NRG4: variants seen among roughly 807,000 people sequenced by gnomAD.
NRG4 encodes neuregulin 4.
In NRG4, 10 loss-of-function variants were observed where a neutral mutation model predicts 15.0. That is an observed-to-expected ratio of 0.67 (90% CI 0.41 to 1.13). NRG4 has a LOEUF of 1.13. NRG4 is among the 50% of genes most tolerant of loss of function. NRG4 has a pLI of 0.00. For missense variants in NRG4, 139 were observed against 140.2 expected (o/e 0.99, Z 0.04); for synonymous variants, 41 against 50.1 (o/e 0.82, Z 0.77).
At chr15:75,938,112 CAAAGCTGATTTGT>C (rs1211186156), downstream of NRG4, 4 of 152,116 alleles carry the variant, frequency 2.6e-5, 1 homozygote, top group East Asian at 3.8e-4. Context: ...TTACCTGGGA[CAAAGCTGATTTGT>C]AAAATCTAGG....
At chr15:76,030,244 G>A (rs2141940607) in intron 5 of NRG4, among the ~76,000 whole-genome samples, 1 of 152,154 alleles carries the variant, frequency 6.6e-6, no homozygotes, top group Middle Eastern at 3.4e-3. Flanking sequence ...AGGCAACAGA[G>A]TGAGACTCTG....
chr15:76,024,289 A>G (rs1341611042), intron 5 of NRG4, among the ~76,000 whole-genome samples: 12 of 152,276 alleles, frequency 7.9e-5, no homozygotes, highest in African/African-American at 2.9e-4. Flanking sequence ...TCCCAGACTG[A>G]GTGGCTGTGT....
chr15:75,935,502 A>C (rs1449966624), downstream of NRG4: 1 of 152,014 alleles, frequency 6.6e-6, no homozygotes, highest in Non-Finnish European at 1.5e-5. Flanking sequence ...TATAAGGCTT[A>C]AGCAAGGAAT....
At chr15:75,985,232 G>A (rs1251589257) in intron 3 of NRG4, among the ~76,000 whole-genome samples, 1 of 152,116 alleles carries the variant, frequency 6.6e-6, no homozygotes, top group Non-Finnish European at 1.5e-5. Flanking sequence ...TCAATACATA[G>A]TTTTACCCAC....
In NRG4 at chr15:75,964,723, T is replaced by C. The variant is rs559485697; in HGVS notation, c.105-2749A>G. On this transcript the variant is annotated intron_variant, in intron 3 of 5. Coordinates refer to ENST00000394907, the MANE Select transcript of NRG4 (RefSeq NM_138573.4). ...GGAGGATGGCTTGAGCCCAGGAGTTTGAGACCAGCCTGGGCAACATGGTAG... is the reference window on the plus strand; with the variant it reads ...GGAGGATGGCTTGAGCCCAGGAGTTCGAGACCAGCCTGGGCAACATGGTAG... Among the ~76,000 whole-genome samples the C allele has an allele frequency of 5.3e-5, 8 of 150,972 alleles. No homozygotes were observed. In the East Asian group the frequency reaches 1.4e-3, roughly 27 times the overall value.
At chr15:76,044,361 C>A (rs1162499257) in intron 4 of NRG4, among the ~76,000 whole-genome samples, 1 of 150,548 alleles carries the variant, frequency 6.6e-6, no homozygotes, top group Non-Finnish European at 1.5e-5. Flanking sequence ...ACAGTCTCTT[C>A]AATAAATGGT....
rs561567986 is a variant in NRG4 at position 76,042,938 on chromosome 15, T to C, written c.-104-6947A>G. 2.6e-5 allele frequency among the ~76,000 whole-genome samples: 4 copies of C among 152,146 alleles called. No homozygotes were observed. The South Asian group carries it at 6.2e-4, about 24-fold the overall frequency. On this transcript the variant is annotated intron_variant, in intron 4 of 8. Coordinates refer to the NRG4 transcript ENST00000563910. The stretch of plus-strand genomic sequence containing the variant: ...TACTAGCAAACCAAATTCAACAACA[T>C]ACTAAAAATATCATTTGTCATGACC...
At chr15:76,025,868 CTT>C (rs758519663) in intron 5 of NRG4, among the ~76,000 whole-genome samples, 1 of 151,682 alleles carries the variant, frequency 6.6e-6, no homozygotes, top group African/African-American at 2.4e-5. Context: ...CAGAGTGAGA[CTT>C]TGTCTCAAAA....
intron 4 of NRG4, among the ~76,000 whole-genome samples, chr15:75,957,210 A>G (rs1445474951): frequency 6.6e-6 from 1 of 152,236 alleles, no homozygotes; most frequent in Non-Finnish European, 1.5e-5. Context: ...ACATAGTAAT[A>G]GCTTTCTGTT....
At chr15:75,944,437 G>C (rs2031325184) in intron 5 of NRG4, among the ~76,000 whole-genome samples, 2 of 152,122 alleles carry the variant, frequency 1.3e-5, no homozygotes, top group South Asian at 4.1e-4. Context: ...ATAAATGCAT[G>C]CTAAGACTTC....
chr15:75,969,857 AT>A (rs1252294093), intron 3 of NRG4, among the ~76,000 whole-genome samples: 1 of 152,226 alleles, frequency 6.6e-6, no homozygotes, highest in African/African-American at 2.4e-5. Flanking sequence ...TGTTTTATGC[AT>A]TTTAAACTGT....
chr15:76,002,861 C>T (rs1484412187), intron 3 of NRG4, among the ~76,000 whole-genome samples: 7 of 152,082 alleles, frequency 4.6e-5, no homozygotes, highest in Non-Finnish European at 1.0e-4. Context: ...GAGAAGCAGG[C>T]AATCTACCAT....
Position 76,045,319 on chromosome 15 carries a change from A to T in NRG4, c.-105+6748T>A, listed in dbSNP as rs1386591229. ...TGCTGGAGGAGATATGGAGAAAGGG[A>T]AACACTCACATACTGTTGGTGGGAA... On this transcript the variant is annotated intron_variant, in intron 4 of 8. Transcript: ENST00000563910. Among the ~76,000 whole-genome samples, 3 of 151,106 alleles carry T rather than the reference A, an allele frequency of 2.0e-5. 1 individual carries two copies. The highest frequency in any genetic ancestry group is 4.4e-5 in the Non-Finnish European group (3 of 67,914).
At chr15:76,000,219 A>C (rs1480033393) in intron 3 of NRG4, among the ~76,000 whole-genome samples, 2 of 152,126 alleles carry the variant, frequency 1.3e-5, no homozygotes, top group Non-Finnish European at 2.9e-5. Context: ...TCGAACTTGA[A>C]GGGCTTTTAA....
chr15:76,053,940 G>A (rs2036086754), intron 2 of NRG4, among the ~76,000 whole-genome samples: 1 of 151,030 alleles, frequency 6.6e-6, no homozygotes, highest in African/African-American at 2.5e-5. Flanking sequence ...TTTGGCACGT[G>A]AACTGTGTAG....
chr15:76,014,187 GT>G (rs1402366895), upstream of NRG4, among the ~76,000 whole-genome samples: 5 of 152,106 alleles, frequency 3.3e-5, no homozygotes, highest in African/African-American at 1.2e-4. Context: ...TTTTGATGGG[GT>G]TGTTGGTTTT....
chr15:75,986,918 T>C (rs1032701798), intron 3 of NRG4, among the ~76,000 whole-genome samples: 1 of 152,164 alleles, frequency 6.6e-6, no homozygotes, highest in Non-Finnish European at 1.5e-5. Context: ...ATGTAAAAGA[T>C]CTCAATCTAA....
chr15:75,984,750 A>C (rs1305145937), intron 3 of NRG4, among the ~76,000 whole-genome samples: 1 of 152,202 alleles, frequency 6.6e-6, no homozygotes. Context: ...ACAAACCTGC[A>C]TGTTCTGTAC....
At chr15:76,015,805 T>G (rs928337075), upstream of NRG4, among the ~76,000 whole-genome samples, 1 of 152,134 alleles carries the variant, frequency 6.6e-6, no homozygotes, top group Admixed American at 6.6e-5. Flanking sequence ...GCCTGAAGTT[T>G]TGTTTTCTTG....
Sources: gnomAD v4.1 joint callset for allele counts (sites outside exome capture counted in the v4.1 genomes callset) on GRCh38, gnomAD v4.1.1 for gene constraint, MANE v1.5 for transcripts, NCBI Gene and HGNC (gene_info 2026-07-23, HGNC 2026-07-21) for gene names.